The following MTDH variants were observed in gnomAD, a reference collection of about 807,000 sequenced individuals.
The protein encoded by MTDH is protein LYRIC.
MTDH carries 34 observed loss-of-function variants against 72.7 expected under a neutral mutation model. The ratio of observed to expected loss-of-function variants is 0.47; its 90% CI spans 0.36 to 0.62. The LOEUF (loss-of-function observed/expected upper bound fraction) is 0.62, where lower values mean the gene tolerates loss of function less well. Among genes scored for constraint, MTDH ranks in the 20% least tolerant of loss-of-function variants. The probability of loss-of-function intolerance (pLI) is 0.00; values close to 1 mark genes in which losing one functional copy is unlikely to be tolerated. For missense variants in MTDH, 677 were observed against 699.4 expected (o/e 0.97, Z 0.36); for synonymous variants, 266 against 268.9 (o/e 0.99, Z 0.10).
intron 1 of MTDH, among the ~76,000 whole-genome samples, chr8:97,649,837 C>T (rs1420462435): frequency 3.3e-5 from 5 of 152,228 alleles, no homozygotes; most frequent in Non-Finnish European, 7.3e-5. Flanking sequence ...CTCCTGAGCT[C>T]AGGCAGTCCA....
At chr8:97,659,941 C>T (rs769873370) in intron 1 of MTDH, among the ~76,000 whole-genome samples, 2 of 152,132 alleles carry the variant, frequency 1.3e-5, no homozygotes, top group Non-Finnish European at 2.9e-5. Context: ...GGTGGATCAC[C>T]TGAGGTCAGG....
In MTDH at chr8:97,708,264, C is replaced by CTTTTTTTTTTTTTT. The variant is rs71271145; in HGVS notation, c.1272+1536_1272+1549dup. 1.2e-4 allele frequency among the ~76,000 whole-genome samples: 4 copies of CTTTTTTTTTTTTTT among 32,068 alleles called. 1 individual carries two copies. The highest frequency in any genetic ancestry group is 3.6e-4 in the African/African-American group (2 of 5,602). 21.0% of individuals were successfully genotyped at this position (32,068 alleles called of 152,430 possible). On this transcript the variant is annotated intron_variant, in intron 8 of 11. Coordinates refer to ENST00000336273, the MANE Select transcript of MTDH (RefSeq NM_178812.4). Reference sequence around the variant, plus strand: ...ACAGGCATGAGCCACCATGCCAGGCCTTTTTTTTTTTTTTTTTTTTTTTTT... The same window carrying CTTTTTTTTTTTTTT: ...ACAGGCATGAGCCACCATGCCAGGCCTTTTTTTTTTTTTTTTTTTTTTTTTTTTTTTTTTTTTTT...
intron 2 of MTDH, among the ~76,000 whole-genome samples, chr8:97,685,476 T>TG (rs1284051601): frequency 6.6e-6 from 1 of 152,192 alleles, no homozygotes; most frequent in Non-Finnish European, 1.5e-5. Flanking sequence ...CTTACTCACT[T>TG]GCTCAGATTC....
At chr8:97,704,443 A>T (rs1021176119) in intron 7 of MTDH, among the ~76,000 whole-genome samples, 1 of 152,132 alleles carries the variant, frequency 6.6e-6, no homozygotes, top group Non-Finnish European at 1.5e-5. Flanking sequence ...CCCCTTCTCT[A>T]CAAAAAGTTT....
intron 1 of MTDH, among the ~76,000 whole-genome samples, chr8:97,653,828 A>C (rs1811864352): frequency 6.6e-6 from 1 of 152,216 alleles, no homozygotes; most frequent in Non-Finnish European, 1.5e-5. Context: ...TGCTCCATGG[A>C]ATGCCAGGCT....
At chr8:97,677,379 T>TA (rs746323114) in intron 2 of MTDH, among the ~76,000 whole-genome samples, 40 of 151,022 alleles carry the variant, frequency 2.6e-4, no homozygotes, top group Non-Finnish European at 4.9e-4. Context: ...TAGTCCCAGT[T>TA]ACTCGGGAGG....
intron 2 of MTDH, among the ~76,000 whole-genome samples, chr8:97,675,750 T>C (rs755181639): frequency 4.7e-5 from 7 of 149,710 alleles, no homozygotes; most frequent in Non-Finnish European, 4.4e-5. Flanking sequence ...CGTATGCCTG[T>C]AGTCCCAGCT....
chr8:97,697,608 A>G (rs1027958490), intron 6 of MTDH, among the ~76,000 whole-genome samples: 3 of 151,974 alleles, frequency 2.0e-5, no homozygotes, highest in Non-Finnish European at 4.4e-5. Flanking sequence ...GATGGTCTGC[A>G]TCTCTTTACC....
chr8:97,713,596 A>G (rs914375853), intron 8 of MTDH, 66 bp from the exon 9 acceptor site: 7 of 896,560 alleles, frequency 7.8e-6, no homozygotes, highest in Admixed American at 2.4e-5. Context: ...TTATTTCATA[A>G]TAATTTTCTA....
intron 2 of MTDH, among the ~76,000 whole-genome samples, chr8:97,665,363 C>T (rs1461785256): frequency 1.3e-5 from 2 of 152,114 alleles, no homozygotes; most frequent in Non-Finnish European, 2.9e-5. Flanking sequence ...TTCATTAGTA[C>T]TAGTCTCTAG....
rs139745496 is a variant in MTDH, at chr8:97,644,581, C to T, written c.75C>T (p.Leu25=). 5 of 1,607,906 alleles carry T rather than the reference C, an allele frequency of 3.1e-6. No homozygotes were observed. Among genetic ancestry groups the T allele is most frequent in the Admixed American group, 1.7e-5 (1 of 59,818 alleles). The part of the protein sequence containing the change: ...EEGSARLREM[L]SVGLGFLRTE... ...GCTCGGCCCGGCTGCGGGAAATGCT[C>T]TCGGTCGGCCTAGGCTTTCTGCGCA... The change falls in exon 1 of 12, where the codon CTC becomes CTT. Residue 25 remains leucine, a synonymous_variant. Coordinates refer to ENST00000336273, the MANE Select transcript of MTDH (RefSeq NM_178812.4).
intron 6 of MTDH, among the ~76,000 whole-genome samples, chr8:97,695,481 G>A (rs964690349): frequency 2.6e-5 from 4 of 152,106 alleles, no homozygotes; most frequent in African/African-American, 9.7e-5. Context: ...TTTGCTTAAT[G>A]TTGTTACAGA....
rs146663706 is a variant in MTDH, at chr8:97,691,168, G to T, written c.1028G>T (p.Arg343Leu). The change falls in exon 6 of 12, where the codon CGT (arginine) becomes CTT (leucine). Residue 343 changes from arginine (R) to leucine (L), a missense_variant. This residue lies in a region of MTDH where 467 missense variants were observed against 469.1 expected (regional missense o/e 1.00). Transcript: ENST00000336273. ...GACTGGGGAAGGAGTTGGAGTGACCGTTCAATATTTTCTGGCATTGGTAAG... is the reference window on the plus strand; with the variant it reads ...GACTGGGGAAGGAGTTGGAGTGACCTTTCAATATTTTCTGGCATTGGTAAG... ...GKDWGRSWSD[R>L]SIFSGIGSTA... 4.0e-4 allele frequency: 649 copies of T among 1,602,680 alleles called. 1 individual carries two copies. Among genetic ancestry groups the T allele is most frequent in the Non-Finnish European group, 5.1e-4 (596 of 1,174,012 alleles).
chr8:97,709,118 C>T (rs1051866144), intron 8 of MTDH, among the ~76,000 whole-genome samples: 9 of 149,002 alleles, frequency 6.0e-5, no homozygotes, highest in South Asian at 2.3e-4. Flanking sequence ...TGCTTGAACC[C>T]GGGAGGCAGA....
chr8:97,671,348 G>T (rs192178836), intron 2 of MTDH, among the ~76,000 whole-genome samples: 4 of 152,222 alleles, frequency 2.6e-5, no homozygotes, highest in Admixed American at 2.0e-4. Context: ...ATGTGTTGCA[G>T]TAAATTGAAT....
chr8:97,644,449 T>G lies in MTDH; in HGVS notation c.-58T>G. ...GGCCCTTCCTCGCTTCCCTCGACTA[T>G]TCCACTGCGTCTCCGCGCCCCGGCG... On this transcript the variant is annotated 5_prime_UTR_variant, in exon 1 of 12. Coordinates refer to ENST00000336273, the MANE Select transcript of MTDH (RefSeq NM_178812.4). 1 of 1,519,554 alleles carries G rather than the reference T, an allele frequency of 6.6e-7. No individual in the cohort carries two copies. Among genetic ancestry groups the G allele is most frequent in the Admixed American group, 2.1e-5 (1 of 48,530 alleles). The allele number at this position is 1,519,554 out of a possible 1,614,324, so 94.1% of individuals were successfully genotyped here.
In MTDH at chr8:97,661,143, G is replaced by A; in HGVS notation, c.453G>A (p.Gln151=). 3 of 1,612,368 alleles carry A rather than the reference G, an allele frequency of 1.9e-6. No homozygotes were observed. Among genetic ancestry groups the A allele is most frequent in the Non-Finnish European group, 2.5e-6 (3 of 1,179,154 alleles). The change falls in exon 2 of 12, where the codon CAG becomes CAA. Residue 151 remains glutamine (Q), a synonymous_variant. Coordinates refer to ENST00000336273, the MANE Select transcript of MTDH (RefSeq NM_178812.4). The part of the protein sequence containing the change: ...VRTPQSVTAK[Q]PPEIDKKNEK... ...CACCTCAAAGTGTAACAGCAAAGCA[G>A]CCACCAGAGATTGACAAGAAAAATG...
rs1586248294 is a variant in MTDH at position 97,689,055 on chromosome 8, G to A, written c.763G>A (p.Val255Ile). 6.3e-7 allele frequency: 1 copy of A among 1,578,110 alleles called. No homozygotes were observed. Among genetic ancestry groups the A allele is most frequent in the Non-Finnish European group, 8.7e-7 (1 of 1,154,198 alleles). Residue 255 changes from valine to isoleucine, a missense_variant, in exon 5 of 12, where the codon GTT becomes ATT. Val to Ile is a conservative substitution (Grantham distance 29). Around this residue, in one of 3 missense-constraint regions of MTDH, gnomAD observed 467 missense variants for 469.1 expected, o/e 1.00. Transcript: ENST00000336273. ...KKNKGDSHLN[V>I]QVSNFKSGKG... ...TTAACCAGGTGATTCTCATCTAAAT[G>A]TTCAAGTTAGCAACTTTAAATCTGG...
chr8:97,675,666 G>T (rs1237400501), intron 2 of MTDH, among the ~76,000 whole-genome samples: 2 of 152,016 alleles, frequency 1.3e-5, no homozygotes, highest in Non-Finnish European at 2.9e-5. Context: ...GAGCTCAAGA[G>T]TTCGAAACAA....
Sources: gnomAD v4.1 joint callset for allele counts (sites outside exome capture counted in the v4.1 genomes callset) on GRCh38, gnomAD v4.1.1 for gene constraint, gnomAD v4.1.1 regional missense constraint, MANE v1.5 for transcripts, NCBI Gene and HGNC (gene_info 2026-07-23, HGNC 2026-07-21) for gene names.